The following ATAD2B variants were observed in gnomAD, a reference collection of about 807,000 sequenced individuals.
ATAD2B encodes the protein ATPase family AAA domain-containing protein 2B.
ATAD2B carries 40 observed loss-of-function variants against 167.6 expected under a neutral mutation model. That is an observed-to-expected ratio of 0.24 (90% confidence interval 0.19 to 0.31). The LOEUF (loss-of-function observed/expected upper bound fraction) is 0.31, where lower values mean the gene tolerates loss of function less well. Among genes scored for constraint, ATAD2B ranks in the 10% least tolerant of loss-of-function variants. ATAD2B has a pLI of 1.00. For missense variants in ATAD2B, 1,242 were observed against 1,757.2 expected, an observed-to-expected ratio of 0.71 and a Z score of 5.24; for synonymous variants, 579 against 596.5, an observed-to-expected ratio of 0.97 and a Z score of 0.43.
At chr2:23,807,269 T>C (rs1271463150) in intron 18 of ATAD2B, among the ~76,000 whole-genome samples, 1 of 148,436 alleles carries the variant, frequency 6.7e-6, no homozygotes, top group Non-Finnish European at 1.5e-5. Flanking sequence ...AATAGTAGTG[T>C]GTACACACAC....
the ATAD2B span, among the ~76,000 whole-genome samples, chr2:23,720,999 G>C: frequency 2.0e-5 from 3 of 152,102 alleles, no homozygotes; most frequent in African/African-American, 7.2e-5. Flanking sequence ...CCACATCCCA[G>C]CAGCATAAAG....
At chr2:23,772,510 T>C (rs570164881) in intron 22 of ATAD2B, among the ~76,000 whole-genome samples, 3 of 152,136 alleles carry the variant, frequency 2.0e-5, no homozygotes, top group Non-Finnish European at 4.4e-5. Context: ...AAGGTAAGAT[T>C]AAATCTAAAG....
At chr2:23,799,691 A>C (rs1558552386) in intron 18 of ATAD2B, 1 of 152,092 alleles carries the variant, frequency 6.6e-6, no homozygotes, top group African/African-American at 2.4e-5. Context: ...ACTTGCATAC[A>C]TTTTTTAAAT....
chr2:23,695,882 T>A, the ATAD2B span: 1 of 1,534,762 alleles, frequency 6.5e-7, no homozygotes, highest in Non-Finnish European at 8.8e-7. This position sits in a 1 kb window ranked among gnomAD's most constrained non-coding sequence, Gnocchi z 7.6. Context: ...GTGGTTCCAG[T>A]GAGGTGCCAG....
the ATAD2B span, among the ~76,000 whole-genome samples, chr2:23,712,258 G>A: frequency 7.2e-5 from 11 of 152,322 alleles, no homozygotes; most frequent in East Asian, 3.9e-4. Flanking sequence ...TCAAAAATCC[G>A]TAGTAAGAAA....
intron 18 of ATAD2B, chr2:23,809,093 A>G (rs765268568): frequency 1.3e-5 from 2 of 152,120 alleles, no homozygotes; most frequent in Non-Finnish European, 2.9e-5. Context: ...TTGTTGATTT[A>G]TATTTTTCTA....
At position 23,757,726 on chromosome 2, in the gene ATAD2B, G is replaced by C; in HGVS notation, c.3770C>G (p.Ser1257Cys). 2 of 1,611,314 alleles carry C rather than the reference G, an allele frequency of 1.2e-6. No individual in the cohort carries two copies. The highest frequency in any genetic ancestry group is 1.7e-6 in the Non-Finnish European group (2 of 1,178,986). The change falls in exon 25 of 28, where the codon TCC becomes TGC. Residue 1257 changes from serine to cysteine, a missense_variant. By Grantham distance (112) the Ser-to-Cys change is moderately radical. Coordinates refer to ENST00000238789, the MANE Select transcript of ATAD2B (RefSeq NM_017552.4). ...TCCTTTAAGGAAAGTCTCTTTCCTG[G>C]AGGTCTGCTCCGGGTTTAAGGAACT... ...SSSSLNPEQT[S>C]RKETFLKGNC...
At chr2:23,915,443 A>G (rs958582880) in intron 1 of ATAD2B, among the ~76,000 whole-genome samples, 2 of 125,240 alleles carry the variant, frequency 1.6e-5, no homozygotes, top group South Asian at 4.6e-4. Context: ...AGTCTTGATT[A>G]AAAAAAAAAA....
At chr2:23,687,806 T>A in the ATAD2B span, among the ~76,000 whole-genome samples, 1 of 151,890 alleles carries the variant, frequency 6.6e-6, no homozygotes, top group African/African-American at 2.4e-5. Context: ...CAGGGCCGGG[T>A]ATGAGGGTGG....
At chr2:23,722,268 C>T in the ATAD2B span, among the ~76,000 whole-genome samples, 229 of 152,258 alleles carry the variant, frequency 1.5e-3, no homozygotes, top group African/African-American at 5.2e-3. Flanking sequence ...AGGAAATATA[C>T]ATGAAACGCC....
At chr2:23,680,481 C>T in the ATAD2B span, among the ~76,000 whole-genome samples, 1 of 152,196 alleles carries the variant, frequency 6.6e-6, no homozygotes, top group African/African-American at 2.4e-5. This position sits in a 1 kb window ranked among gnomAD's most constrained non-coding sequence, Gnocchi z 4.1. Flanking sequence ...CCGCTCAAAG[C>T]CGAGGAGACC....
At chr2:23,877,019 A>G (rs1467548694) in intron 7 of ATAD2B, among the ~76,000 whole-genome samples, 1 of 148,700 alleles carries the variant, frequency 6.7e-6, no homozygotes, top group Non-Finnish European at 1.5e-5. Flanking sequence ...GTGAGCCAAG[A>G]TCGTGCCACT....
intron 18 of ATAD2B, among the ~76,000 whole-genome samples, chr2:23,809,889 A>G (rs1396309772): frequency 6.6e-6 from 1 of 152,218 alleles, no homozygotes; most frequent in Non-Finnish European, 1.5e-5. Flanking sequence ...AATATCTATA[A>G]TTTTTGAACT....
At chr2:23,911,912 T>G (rs868409965) in intron 1 of ATAD2B, among the ~76,000 whole-genome samples, 2 of 151,198 alleles carry the variant, frequency 1.3e-5, no homozygotes, top group Admixed American at 6.6e-5. Context: ...GAGGCTGCGG[T>G]TGCAGTGAGC....
intron 16 of ATAD2B, 142 bp from the exon 17 acceptor site, chr2:23,820,024 T>C: frequency 1.8e-6 from 1 of 546,420 alleles, no homozygotes. Context: ...ACTGACAAAC[T>C]GCAGCTTTTA....
chr2:23,703,961 T>G, the ATAD2B span: 2 of 1,334,686 alleles, frequency 1.5e-6, no homozygotes, highest in Non-Finnish European at 2.0e-6. Context: ...ACCATAGCAA[T>G]TCCCAGGCCC....
chr2:23,689,549 C>G, the ATAD2B span: 3 of 152,360 alleles, frequency 2.0e-5, no homozygotes, highest in Non-Finnish European at 4.4e-5. Context: ...CTGAAGTCCC[C>G]CTGGGCTCAG....
intron 15 of ATAD2B, among the ~76,000 whole-genome samples, chr2:23,825,468 C>T (rs6731314): frequency 0.82 from 124,070 of 152,084 alleles, 50,693 homozygotes; most frequent in East Asian, 0.93. Context: ...ACTAGTGTCT[C>T]GTTTTATTTT....
At chr2:23,682,851 A>G in the ATAD2B span, among the ~76,000 whole-genome samples, 2 of 151,882 alleles carry the variant, frequency 1.3e-5, no homozygotes, top group African/African-American at 4.8e-5. This position sits in a 1 kb window ranked among gnomAD's most constrained non-coding sequence, Gnocchi z 4.1. Context: ...CTGTGACTCC[A>G]GACTCAGTGT....
Sources: gnomAD v4.1 joint callset for allele counts (sites outside exome capture counted in the v4.1 genomes callset) on GRCh38, gnomAD v4.1.1 for gene constraint, Gnocchi (gnomAD v3.1) non-coding constraint, MANE v1.5 for transcripts, NCBI Gene and HGNC (gene_info 2026-07-23, HGNC 2026-07-21) for gene names.